Variants in LRMDA observed in about 807,000 individuals in gnomAD.
LRMDA encodes the protein leucine rich melanocyte differentiation associated, also known as leucine-rich melanocyte differentiation-associated protein.
A neutral mutation model predicts 29.8 loss-of-function variants in LRMDA; 18 were observed. That is an observed-to-expected ratio of 0.60 (90% CI 0.42 to 0.90). LRMDA has a LOEUF of 0.90. Ranked by LOEUF, LRMDA falls within the 40% of genes least tolerant of loss-of-function variation. LRMDA has a pLI of 0.00. For synonymous variants in LRMDA, 125 were observed against 109.4 expected (o/e 1.14, Z -0.89); for missense variants, 273 against 273.9 (o/e 1.00, Z 0.02).
intron 6 of LRMDA, among the ~76,000 whole-genome samples, chr10:76,548,878 A>C (rs1843453674): frequency 6.6e-6 from 1 of 152,210 alleles, no homozygotes; most frequent in Non-Finnish European, 1.5e-5. Flanking sequence ...TTCATGTGGA[A>C]AGGACTGAAT....
intron 3 of LRMDA, among the ~76,000 whole-genome samples, chr10:76,038,210 G>A (rs1375460065): frequency 2.6e-5 from 4 of 152,186 alleles, no homozygotes; most frequent in Non-Finnish European, 4.4e-5. Context: ...GTTATCTTCT[G>A]TGAGCTTCTT....
In LRMDA at chr10:76,124,667, C is replaced by A. The variant is rs553139152; in HGVS notation, c.516+65884C>A. ...TGTCCTGAATCCAGCCCCTTGGCCACACAGTAGGGTTTGGGTCAATGCCCT... is the reference window on the plus strand; with the variant it reads ...TGTCCTGAATCCAGCCCCTTGGCCAAACAGTAGGGTTTGGGTCAATGCCCT... On this transcript the variant is annotated intron_variant, in intron 5 of 6. Transcript: ENST00000611255. Among the ~76,000 whole-genome samples the A allele has an allele frequency of 8.5e-5, 13 of 152,352 alleles. No homozygotes were observed. In the South Asian group the frequency reaches 2.5e-3, roughly 29 times the overall value.
intron 2 of LRMDA, among the ~76,000 whole-genome samples, chr10:75,890,430 AG>A (rs1261185333): frequency 6.6e-6 from 1 of 152,244 alleles, no homozygotes; most frequent in Admixed American, 6.5e-5. Context: ...GAGTAGTGTC[AG>A]GATGTAATCA....
intron 2 of LRMDA, among the ~76,000 whole-genome samples, chr10:75,718,443 G>A (rs1041844515): frequency 3.9e-5 from 6 of 152,304 alleles, no homozygotes; most frequent in Non-Finnish European, 8.8e-5. Context: ...TTCCAGGACC[G>A]AATGAAGTCT....
At chr10:76,317,201 G>A (rs1315901237) in intron 5 of LRMDA, among the ~76,000 whole-genome samples, 1 of 152,188 alleles carries the variant, frequency 6.6e-6, no homozygotes, top group Non-Finnish European at 1.5e-5. Context: ...CCTTGTACAT[G>A]TTACTGATCT....
rs5786231 is a variant in LRMDA, at chr10:76,343,813, A to ATT, written c.601+19347_601+19348dup. ...TATAAAAGTTTCATGTTTACAGGTG[A>ATT]TTTTTTTTTTTTTTTTTTTTGTGAG... On this transcript the variant is annotated intron_variant, in intron 6 of 6. Coordinates refer to ENST00000611255, the MANE Select transcript of LRMDA (RefSeq NM_001305581.2). Among the ~76,000 whole-genome samples, 740 of 126,610 alleles carry ATT rather than the reference A, an allele frequency of 5.8e-3. 7 individuals are homozygous for ATT. Among genetic ancestry groups the ATT allele is most frequent in the East Asian group, 0.019 (81 of 4,364 alleles). The allele number at this position is 126,610 out of a possible 152,430, so 83.1% of individuals were successfully genotyped here.
intron 2 of LRMDA, among the ~76,000 whole-genome samples, chr10:75,640,725 A>T (rs371944411): frequency 6.6e-6 from 1 of 152,172 alleles, no homozygotes; most frequent in African/African-American, 2.4e-5. Flanking sequence ...GAGCAGAGCT[A>T]TAGGCTCTGT....
intron 2 of LRMDA, among the ~76,000 whole-genome samples, chr10:75,583,713 A>G (rs1000775280): frequency 8.6e-5 from 13 of 151,764 alleles, no homozygotes; most frequent in Admixed American, 7.2e-4. Context: ...ATTTTTTTCA[A>G]TTGCTGTCAC....
chr10:76,064,672 T>A (rs1413484823), intron 5 of LRMDA, among the ~76,000 whole-genome samples: 1 of 152,192 alleles, frequency 6.6e-6, no homozygotes, highest in African/African-American at 2.4e-5. Flanking sequence ...CATAAAAGGG[T>A]ATCAGAAACT....
chr10:75,881,053 G>A (rs1383980471), intron 2 of LRMDA, among the ~76,000 whole-genome samples: 3 of 152,146 alleles, frequency 2.0e-5, no homozygotes, highest in African/African-American at 7.2e-5. Context: ...CTAGTGTTCA[G>A]TCACTGTTAA....
chr10:75,776,970 C>T (rs569251684), intron 2 of LRMDA, among the ~76,000 whole-genome samples: 94 of 152,318 alleles, frequency 6.2e-4, no homozygotes, highest in Non-Finnish European at 1.2e-3. Flanking sequence ...TTCTGATATG[C>T]TTAAGGAGCG....
chr10:76,196,772 G>T (rs921442569), intron 5 of LRMDA, among the ~76,000 whole-genome samples: 2 of 152,200 alleles, frequency 1.3e-5, no homozygotes, highest in Admixed American at 1.3e-4. Context: ...TATATCCAAC[G>T]TGTAATAAAT....
At chr10:75,904,853 C>T (rs1273548734) in intron 2 of LRMDA, among the ~76,000 whole-genome samples, 1 of 152,112 alleles carries the variant, frequency 6.6e-6, no homozygotes, top group South Asian at 2.1e-4. Flanking sequence ...CGGGGAGTCT[C>T]TCTTAGAGAT....
chr10:75,621,226 C>CA (rs1554816450), intron 2 of LRMDA, among the ~76,000 whole-genome samples: 4,043 of 116,672 alleles, frequency 0.035, 151 homozygotes, highest in African/African-American at 0.11. Context: ...ACACACACAC[C>CA]CACACACCCA....
At position 76,558,241 on chromosome 10, in the gene LRMDA, A is replaced by G. The variant is rs188108088; in HGVS notation, c.*953A>G. On this transcript the variant is annotated 3_prime_UTR_variant, in exon 7 of 7. Transcript: ENST00000611255. The stretch of plus-strand genomic sequence containing the variant: ...TATTTAAAGGGAGTGAGGTGATGAA[A>G]GATAGAGTGAAGGGTCAGGAGGTTA... 32 of 152,340 alleles carry G rather than the reference A, an allele frequency of 2.1e-4. No homozygotes were observed. Among genetic ancestry groups the G allele is most frequent in the African/African-American group, 7.5e-4 (31 of 41,564 alleles). 9.4% of individuals were successfully genotyped at this position (152,340 alleles called of 1,614,324 possible). A position where few individuals can be genotyped will look rare whatever the true frequency, so the allele number is the denominator to read the frequency against.
At chr10:76,221,388 A>G (rs1851832205) in intron 5 of LRMDA, among the ~76,000 whole-genome samples, 1 of 152,260 alleles carries the variant, frequency 6.6e-6, no homozygotes, top group Non-Finnish European at 1.5e-5. Context: ...GTCTCAGCCC[A>G]AAATCTACTT....
intron 2 of LRMDA, among the ~76,000 whole-genome samples, chr10:75,471,482 C>G (rs991009575): frequency 2.0e-5 from 3 of 152,122 alleles, no homozygotes; most frequent in Admixed American, 2.0e-4. Flanking sequence ...GGAGGCAAAA[C>G]CTGCCTAAGG....
At chr10:75,902,300 C>T (rs902243197) in intron 2 of LRMDA, among the ~76,000 whole-genome samples, 18 of 152,198 alleles carry the variant, frequency 1.2e-4, no homozygotes, top group Admixed American at 5.2e-4. Context: ...TTTTGGGTTC[C>T]GGGTAATCAT....
At chr10:75,815,283 TACTC>T (rs1307966180) in intron 2 of LRMDA, among the ~76,000 whole-genome samples, 14 of 152,346 alleles carry the variant, frequency 9.2e-5, no homozygotes, top group African/African-American at 3.1e-4. Flanking sequence ...ATATGTAACT[TACTC>T]ACCAGTATGT....
Sources: allele counts gnomAD v4.1 joint callset (sites outside exome capture counted in the v4.1 genomes callset), GRCh38; gene constraint gnomAD v4.1.1; transcripts MANE v1.5; gene names NCBI Gene and HGNC (gene_info 2026-07-23, HGNC 2026-07-21).